Variants in ZNF462 observed in about 807,000 individuals in gnomAD.
ZNF462 encodes zinc finger protein 462.
In ZNF462, 10 loss-of-function variants were observed where a neutral mutation model predicts 201.9. The observed-to-expected ratio is 0.05, with a 90% CI of 0.03 to 0.08. The LOEUF is 0.08. ZNF462 is among the 10% of genes least tolerant of loss of function. The pLI, the probability that ZNF462 is intolerant of heterozygous loss-of-function variation, is 1.00. For missense variants in ZNF462, 2,523 were observed against 3,168.3 expected (o/e 0.80, Z 4.89); for synonymous variants, 1,227 against 1,193.3 (o/e 1.03, Z -0.58).
At chr9:106,909,701 G>C (rs1829461809) in intron 1 of ZNF462, among the ~76,000 whole-genome samples, 1 of 152,074 alleles carries the variant, frequency 6.6e-6, no homozygotes, top group African/African-American at 2.4e-5. Flanking sequence ...GTCATCAAAT[G>C]TTACTGTGAA....
Position 106,939,018 on chromosome 9 carries a change from C to T in ZNF462, c.6338C>T (p.Pro2113Leu). Reference sequence around the variant, plus strand: ...GTCCACGGAAAAGCCCTGACCCTCCCCAGGCCACGGATCGTCAGTCTCCTC... The same window carrying T: ...GTCCACGGAAAAGCCCTGACCCTCCTCAGGCCACGGATCGTCAGTCTCCTC... Reference protein sequence around the residue: ...LKVHGKALTLPRPRIVSLLSS... With the variant: ...LKVHGKALTLLRPRIVSLLSS... The change falls in exon 7 of 13, where the codon CCC becomes CTC. Residue 2113 changes from proline to leucine, a missense_variant. This residue lies in a region of ZNF462 where 138 missense variants were observed against 146.3 expected (regional missense o/e 0.94). Transcript: ENST00000277225. 6.2e-7 allele frequency: 1 copy of T among 1,614,054 alleles called. No individual in the cohort carries two copies. Among genetic ancestry groups the T allele is most frequent in the Non-Finnish European group, 8.5e-7 (1 of 1,179,978 alleles).
In ZNF462 at chr9:106,927,704, A is replaced by G. The variant is rs1238131809; in HGVS notation, c.3792A>G (p.Ala1264=). ...AGCGGGACAAAACGAAACTCCGAGCACTCAAATGTAGGCAGTGCTCATATA... is the reference window on the plus strand; with the variant it reads ...AGCGGGACAAAACGAAACTCCGAGCGCTCAAATGTAGGCAGTGCTCATATA... ...NLERDKTKLR[A]LKCRQCSYTS... is the part of the protein sequence containing the mutation. The change falls in exon 3 of 13, where the codon GCA becomes GCG. Residue 1264 remains alanine, a synonymous_variant. Transcript: ENST00000277225. 6 of 1,614,068 alleles carry G rather than the reference A, an allele frequency of 3.7e-6. No homozygotes were observed. The highest frequency in any genetic ancestry group is 4.2e-6 in the Non-Finnish European group (5 of 1,180,000).
At chr9:107,002,930 T>C (rs1157267909) in intron 10 of ZNF462, among the ~76,000 whole-genome samples, 2 of 152,206 alleles carry the variant, frequency 1.3e-5, no homozygotes, top group African/African-American at 2.4e-5. Flanking sequence ...ACTTGGGTTG[T>C]TATAAGAGTT....
intron 7 of ZNF462, among the ~76,000 whole-genome samples, chr9:106,942,074 G>T (rs1412344627): frequency 6.6e-6 from 1 of 152,238 alleles, no homozygotes; most frequent in Non-Finnish European, 1.5e-5. Flanking sequence ...AACCAAAAAT[G>T]TGTTGCAGGC....
chr9:106,877,891 A>G (rs987699655), intron 1 of ZNF462, among the ~76,000 whole-genome samples: 1 of 152,184 alleles, frequency 6.6e-6, no homozygotes, highest in East Asian at 1.9e-4. Flanking sequence ...AGTGGTTATT[A>G]GTACAGAATG....
At position 106,974,109 on chromosome 9, in the gene ZNF462, T is replaced by C. The variant is rs749987790; in HGVS notation, c.6696-28T>C. ...ATGCAATGATCCCTGGTTACACGCA[T>C]CACCTCTCCTCCCAAACTCTCTCCT... On this transcript the variant is annotated intron_variant, in intron 8 of 12. Transcript: ENST00000277225. This position sits in a 1 kb window ranked among gnomAD's most constrained non-coding sequence, Gnocchi z 4.0. 2.5e-6 allele frequency: 4 copies of C among 1,613,688 alleles called. No homozygotes were observed. In the South Asian group the frequency reaches 4.4e-5, roughly 18 times the overall value.
intron 1 of ZNF462, among the ~76,000 whole-genome samples, chr9:106,877,178 G>A (rs988239957): frequency 1.3e-5 from 2 of 151,898 alleles, no homozygotes; most frequent in Non-Finnish European, 2.9e-5. Flanking sequence ...CTTTATTGGT[G>A]GTGGTGGTGG....
rs1420766179 is a variant in ZNF462, at chr9:106,923,445, C to T, written c.62C>T (p.Ala21Val). Residue 21 changes from alanine (A) to valine (V), a missense_variant, in exon 2 of 13, where the codon GCA becomes GTA. Coordinates refer to ENST00000277225, the MANE Select transcript of ZNF462 (RefSeq NM_021224.6). This position sits in a 1 kb window ranked among gnomAD's most constrained non-coding sequence, Gnocchi z 5.6. ...FRAPSYEDLK[A>V]HIQDVHTAFL... ...GCCCCGTCTTATGAAGATCTCAAGG[C>T]ACACATTCAGGATGTCCACACGGCA... 3 of 1,614,184 alleles carry T rather than the reference C, an allele frequency of 1.9e-6. No homozygotes were observed. Among genetic ancestry groups the T allele is most frequent in the Middle Eastern group, 1.6e-4 (1 of 6,062 alleles).
In ZNF462 at chr9:106,966,713, T is replaced by C. The variant is rs1478600277; in HGVS notation, c.6428-5292T>C. ...GTCTCCTATTTACTTAAATGCTCAG[T>C]AAATATTTGCTGAATGAATGGGTGT... On this transcript the variant is annotated intron_variant, in intron 7 of 12. Coordinates refer to ENST00000277225, the MANE Select transcript of ZNF462 (RefSeq NM_021224.6). The surrounding 1 kb of genome is among the most constrained non-coding windows in gnomAD (Gnocchi z 4.4). Among the ~76,000 whole-genome samples, 3 of 152,176 alleles carry C rather than the reference T, an allele frequency of 2.0e-5. No homozygotes were observed. The highest frequency in any genetic ancestry group is 2.9e-5 in the Non-Finnish European group (2 of 68,014).
chr9:106,866,435 T>C (rs1326845561), intron 1 of ZNF462, among the ~76,000 whole-genome samples: 3 of 152,188 alleles, frequency 2.0e-5, no homozygotes, highest in Non-Finnish European at 4.4e-5. Flanking sequence ...GTTATTGTTC[T>C]TCTGAGGGGT....
chr9:106,998,820 G>C (rs1011353788), intron 10 of ZNF462, among the ~76,000 whole-genome samples: 1 of 151,956 alleles, frequency 6.6e-6, no homozygotes, highest in African/African-American at 2.4e-5. Context: ...TGTTGGCCAG[G>C]CTGGTCTCAA....
rs149174145 is a variant in ZNF462 at position 106,927,363 on chromosome 9, C to T, written c.3451C>T (p.Pro1151Ser). 3 of 1,613,966 alleles carry T rather than the reference C, an allele frequency of 1.9e-6. No homozygotes were observed. The highest frequency in any genetic ancestry group is 2.2e-5 in the East Asian group (1 of 44,870). ...TACTGCCAAATATATCAGACAGGCT[C>T]CTCCCACAGCTGCAATGATGAGAGG... The part of the protein sequence containing the change: ...KVTAKYIRQA[P>S]PTAAMMRGVE... Residue 1151 changes from proline (P) to serine (S), a missense_variant, in exon 3 of 13, where the codon CCT becomes TCT. Transcript: ENST00000277225.
chr9:106,866,356 G>A (rs1278185302), intron 1 of ZNF462, among the ~76,000 whole-genome samples: 1 of 152,138 alleles, frequency 6.6e-6, no homozygotes, highest in African/African-American at 2.4e-5. Context: ...CTGTCACTCA[G>A]TAAATGCACA....
At chr9:106,862,032 G>T (rs970610217), upstream of ZNF462, among the ~76,000 whole-genome samples, 8 of 152,118 alleles carry the variant, frequency 5.3e-5, no homozygotes, top group Non-Finnish European at 7.3e-5. The surrounding 1 kb of genome is among the most constrained non-coding windows in gnomAD (Gnocchi z 4.2). Flanking sequence ...AAAGAAAGTG[G>T]TGGTTCCGAA....
At chr9:106,937,495 C>T (rs938398712) in intron 6 of ZNF462, among the ~76,000 whole-genome samples, 2 of 152,080 alleles carry the variant, frequency 1.3e-5, no homozygotes, top group African/African-American at 4.8e-5. Context: ...ATTCTGTTTT[C>T]TCTTTTTTCT....
At chr9:106,904,640 CT>C (rs1220541477) in intron 1 of ZNF462, among the ~76,000 whole-genome samples, 1 of 152,080 alleles carries the variant, frequency 6.6e-6, no homozygotes, top group Non-Finnish European at 1.5e-5. Flanking sequence ...TATTCTTTTT[CT>C]TTGTCTTTGT....
chr9:107,009,457 A>T lies in ZNF462; in HGVS notation c.7190-88A>T. 1 of 1,545,638 alleles carries T rather than the reference A, an allele frequency of 6.5e-7. No homozygotes were observed. On this transcript the variant is annotated intron_variant, in intron 11 of 12. Transcript: ENST00000277225. The surrounding 1 kb of genome is among the most constrained non-coding windows in gnomAD (Gnocchi z 6.1). ...ACCACATGGCTTTATCAGTGAAGGT[A>T]GGAGAGAGGGTATCCTAATGAATGC... is the stretch of plus-strand genomic sequence containing the variant.
intron 1 of ZNF462, among the ~76,000 whole-genome samples, chr9:106,894,879 TA>T (rs1828745984): frequency 6.6e-6 from 1 of 152,238 alleles, no homozygotes; most frequent in Admixed American, 6.5e-5. Context: ...AATATTAAGA[TA>T]ATATTTTTGG....
At position 106,916,102 on chromosome 9, in the gene ZNF462, C is replaced by T. The variant is rs184158715; in HGVS notation, c.-30-7252C>T. Among the ~76,000 whole-genome samples the T allele has an allele frequency of 1.3e-4, 20 of 152,282 alleles. No homozygotes were observed. The East Asian group carries it at 3.9e-3, about 29-fold the overall frequency. ...GTTATTTCAGCAAAACTTCCTCACACACTCCGCAAGCCACTGGCCATACAT... is the reference window on the plus strand; with the variant it reads ...GTTATTTCAGCAAAACTTCCTCACATACTCCGCAAGCCACTGGCCATACAT... On this transcript the variant is annotated intron_variant, in intron 1 of 12. Transcript: ENST00000277225.
Sources: gnomAD v4.1 joint callset for allele counts (sites outside exome capture counted in the v4.1 genomes callset) on GRCh38, gnomAD v4.1.1 for gene constraint, gnomAD v4.1.1 regional missense constraint, Gnocchi (gnomAD v3.1) non-coding constraint, MANE v1.5 for transcripts, NCBI Gene and HGNC (gene_info 2026-07-23, HGNC 2026-07-21) for gene names.